UBE2E2: variants seen among roughly 807,000 people sequenced by gnomAD.
UBE2E2 encodes ubiquitin-conjugating enzyme E2 E2.
A neutral mutation model predicts 24.7 loss-of-function variants in UBE2E2; 6 were observed. That is an observed-to-expected ratio of 0.24 (90% CI 0.13 to 0.48). The LOEUF (loss-of-function observed/expected upper bound fraction) is 0.48. Ranked by LOEUF, UBE2E2 falls within the 20% of genes least tolerant of loss-of-function variation. The probability of loss-of-function intolerance (pLI) is 0.99; values close to 1 mark genes in which losing one functional copy is unlikely to be tolerated. For synonymous variants in UBE2E2, 104 were observed against 83.6 expected, an observed-to-expected ratio of 1.24 and a Z score of -1.33; for missense variants, 169 against 245.0, an observed-to-expected ratio of 0.69 and a Z score of 2.07.
intron 2 of UBE2E2, among the ~76,000 whole-genome samples, chr3:23,210,894 C>G (rs1696304093): frequency 1.3e-5 from 2 of 152,124 alleles, no homozygotes. Flanking sequence ...TAATTATGTA[C>G]TATTTATTTT....
chr3:23,453,539 T>C (rs1185814586), intron 3 of UBE2E2, among the ~76,000 whole-genome samples: 1 of 152,200 alleles, frequency 6.6e-6, no homozygotes, highest in Non-Finnish European at 1.5e-5. Context: ...ATTTAAAAAT[T>C]GTATGCATCT....
intron 5 of UBE2E2, among the ~76,000 whole-genome samples, chr3:23,582,662 T>C (rs1304956518): frequency 6.6e-6 from 1 of 152,210 alleles, no homozygotes; most frequent in African/African-American, 2.4e-5. Flanking sequence ...TCAGTGATCA[T>C]TTTTTCCTAT....
At chr3:23,289,556 G>C (rs1214749742) in intron 3 of UBE2E2, among the ~76,000 whole-genome samples, 1 of 152,170 alleles carries the variant, frequency 6.6e-6, no homozygotes, top group Non-Finnish European at 1.5e-5. Context: ...CAGATGATGA[G>C]GAAATACCGT....
At chr3:23,406,997 T>C (rs1017911266) in intron 3 of UBE2E2, among the ~76,000 whole-genome samples, 4 of 152,224 alleles carry the variant, frequency 2.6e-5, no homozygotes, top group East Asian at 3.8e-4. Flanking sequence ...GAAAGCCCAT[T>C]CCAAATTGTA....
intron 5 of UBE2E2, among the ~76,000 whole-genome samples, chr3:23,544,090 G>T (rs901351565): frequency 1.3e-5 from 2 of 152,104 alleles, no homozygotes; most frequent in Admixed American, 6.6e-5. Context: ...TTACATTGAA[G>T]ACTAAACCAT....
At chr3:23,245,081 G>A (rs553532224) in intron 3 of UBE2E2, among the ~76,000 whole-genome samples, 3 of 152,000 alleles carry the variant, frequency 2.0e-5, no homozygotes, top group Non-Finnish European at 2.9e-5. Context: ...GGCTTATTAC[G>A]GTCTAGTAAA....
At chr3:23,512,271 G>T (rs986642725) in intron 4 of UBE2E2, among the ~76,000 whole-genome samples, 1 of 150,928 alleles carries the variant, frequency 6.6e-6, no homozygotes, top group Non-Finnish European at 1.5e-5. Flanking sequence ...AGGCTGGAGT[G>T]CAGTGGCACG....
chr3:23,419,276 A>T (rs756728109), intron 3 of UBE2E2, among the ~76,000 whole-genome samples: 3 of 152,090 alleles, frequency 2.0e-5, no homozygotes, highest in African/African-American at 4.8e-5. Flanking sequence ...GCCCACAAAC[A>T]TTAGTTTTCT....
At chr3:23,459,434 T>C (rs974263755) in intron 3 of UBE2E2, among the ~76,000 whole-genome samples, 4 of 152,192 alleles carry the variant, frequency 2.6e-5, no homozygotes, top group African/African-American at 7.2e-5. Flanking sequence ...AAAAACTGCT[T>C]TTTTGAGAAC....
At chr3:23,260,649 C>T (rs1443713355) in intron 3 of UBE2E2, among the ~76,000 whole-genome samples, 1 of 151,970 alleles carries the variant, frequency 6.6e-6, no homozygotes, top group East Asian at 1.9e-4. Context: ...CCCATCTCTA[C>T]AAAAAGAAGG....
At chr3:23,501,544 G>A (rs1355274154) in intron 4 of UBE2E2, among the ~76,000 whole-genome samples, 1 of 152,150 alleles carries the variant, frequency 6.6e-6, no homozygotes, top group Non-Finnish European at 1.5e-5. Context: ...ACTTTCCACT[G>A]AATTATACAC....
Position 23,203,385 on chromosome 3 carries a change from T to C in UBE2E2, c.-88T>C. On this transcript the variant is annotated 5_prime_UTR_variant, in exon 1 of 6. Transcript: ENST00000396703. ...TCCCGTCCCTGGGGCCTCCCCAGTC[T>C]CCCTCCCCCTCGCGCCTGGGCAGCT... is the stretch of plus-strand genomic sequence containing the variant. 3.1e-5 allele frequency: 30 copies of C among 982,824 alleles called. No homozygotes were observed. The highest frequency in any genetic ancestry group is 3.6e-5 in the Non-Finnish European group (30 of 829,494). 60.9% of individuals were successfully genotyped at this position (982,824 alleles called of 1,614,324 possible). A position where few individuals can be genotyped will look rare whatever the true frequency, so the allele number is the denominator to read the frequency against.
rs117438802 is a variant in UBE2E2, at chr3:23,362,324, C to T, written c.228-137284C>T. On this transcript the variant is annotated intron_variant, in intron 3 of 5. Transcript: ENST00000396703. ...CTTCCTGGGGGAGCACATCCCCCTG[C>T]GCTTATAGGCTGAAGCAGAGAGCCC... Among the ~76,000 whole-genome samples the T allele has an allele frequency of 1.3e-3, 194 of 152,246 alleles. 5 individuals are homozygous for T. In the East Asian group the frequency reaches 0.023, roughly 18 times the overall value.
intron 4 of UBE2E2, among the ~76,000 whole-genome samples, chr3:23,508,828 C>T (rs1313232946): frequency 6.6e-6 from 1 of 152,112 alleles, no homozygotes; most frequent in Non-Finnish European, 1.5e-5. Context: ...GATGTTCTTC[C>T]GCGGAGAAGT....
intron 3 of UBE2E2, among the ~76,000 whole-genome samples, chr3:23,281,303 T>A (rs979924635): frequency 3.3e-5 from 5 of 152,198 alleles, no homozygotes; most frequent in Non-Finnish European, 1.5e-5. Flanking sequence ...AAAATGCCAT[T>A]GTAGTTCCAT....
intron 3 of UBE2E2, among the ~76,000 whole-genome samples, chr3:23,261,945 G>T (rs895102706): frequency 6.6e-6 from 1 of 152,190 alleles, no homozygotes; most frequent in African/African-American, 2.4e-5. Context: ...ATGGAGTGCA[G>T]TTATCTCTTT....
chr3:23,294,955 T>C (rs1233106745), intron 3 of UBE2E2, among the ~76,000 whole-genome samples: 1 of 152,134 alleles, frequency 6.6e-6, no homozygotes, highest in Non-Finnish European at 1.5e-5. Context: ...TCATTTATTT[T>C]TAGCTACCTG....
intron 3 of UBE2E2, among the ~76,000 whole-genome samples, chr3:23,388,677 T>C (rs114918528): frequency 0.014 from 2,166 of 152,142 alleles, 53 homozygotes; most frequent in African/African-American, 0.05. Context: ...TTAAATAGTA[T>C]TTTTTAAAAA....
chr3:23,242,126 G>C (rs960460587), intron 3 of UBE2E2, among the ~76,000 whole-genome samples: 1 of 151,988 alleles, frequency 6.6e-6, no homozygotes, highest in African/African-American at 2.4e-5. Context: ...GTGTTGCCCA[G>C]GCTGGTCTTG....
Sources: gnomAD v4.1 joint callset for allele counts (sites outside exome capture counted in the v4.1 genomes callset) on GRCh38, gnomAD v4.1.1 for gene constraint, MANE v1.5 for transcripts, NCBI Gene and HGNC (gene_info 2026-07-23, HGNC 2026-07-21) for gene names.